Variants in BDP1 observed in about 807,000 individuals in gnomAD.
BDP1 encodes the protein transcription factor TFIIIB component B'' homolog.
BDP1 carries 169 observed loss-of-function variants against 266.6 expected under a neutral mutation model. That is an observed-to-expected ratio of 0.63 (90% CI 0.56 to 0.72). The LOEUF (loss-of-function observed/expected upper bound fraction) is 0.72, where lower values mean the gene tolerates loss of function less well. BDP1 is among the 30% of genes least tolerant of loss of function. BDP1 has a pLI of 0.00. For synonymous variants in BDP1, 1,090 were observed against 1,022.4 expected, an observed-to-expected ratio of 1.07 and a Z score of -1.26; for missense variants, 3,015 against 3,053.8, an observed-to-expected ratio of 0.99 and a Z score of 0.30.
chr5:71,534,769 G>A (rs566898577), intron 26 of BDP1, among the ~76,000 whole-genome samples: 1 of 152,244 alleles, frequency 6.6e-6, no homozygotes, highest in South Asian at 2.1e-4. Context: ...AGCTTCCCGA[G>A]TAGCTGGGAT....
intron 25 of BDP1, among the ~76,000 whole-genome samples, chr5:71,529,367 G>A (rs1385227243): frequency 6.6e-6 from 1 of 150,388 alleles, no homozygotes; most frequent in Non-Finnish European, 1.5e-5. Flanking sequence ...TCCAGCCTGG[G>A]CGAAAGAGCG....
rs887605951 is a variant in BDP1 at position 71,470,620 on chromosome 5, A to G, written c.1014+131A>G. On this transcript the variant is annotated intron_variant, in intron 7 of 38. Coordinates refer to ENST00000358731, the MANE Select transcript of BDP1 (RefSeq NM_018429.3). The stretch of plus-strand genomic sequence containing the variant: ...TTTTTTTTCATTGAGACAGAGTTTC[A>G]CTTTGTTGCCCAGGCTGGAGTGCAG... 1.1e-5 allele frequency: 7 copies of G among 642,774 alleles called. No individual in the cohort carries two copies. In the Admixed American group the frequency reaches 2.4e-4, roughly 22 times the overall value. The allele number at this position is 642,774 out of a possible 1,614,324, so 39.8% of individuals were successfully genotyped here.
rs374627184 is a variant in BDP1, at chr5:71,464,035, A to G, written c.600-23A>G. ...GATATAAATTAATAATTTATTAAAG[A>G]TATTGTTATTTATGTTCAATAGTTC... On this transcript the variant is annotated intron_variant, in intron 3 of 38. Coordinates refer to ENST00000358731, the MANE Select transcript of BDP1 (RefSeq NM_018429.3). 16 of 1,363,720 alleles carry G rather than the reference A, an allele frequency of 1.2e-5. No homozygotes were observed. The African/African-American group carries it at 1.3e-4, about 11-fold the overall frequency. The allele number at this position is 1,363,720 out of a possible 1,614,324, so 84.5% of individuals were successfully genotyped here. A position where few individuals can be genotyped will look rare whatever the true frequency, so the allele number is the denominator to read the frequency against.
chr5:71,551,782 C>A (rs1467761504), intron 34 of BDP1, among the ~76,000 whole-genome samples: 19 of 148,914 alleles, frequency 1.3e-4, no homozygotes, highest in Non-Finnish European at 2.1e-4. Flanking sequence ...GGGGCTGACC[C>A]CCCCACCTCC....
intron 37 of BDP1, among the ~76,000 whole-genome samples, chr5:71,562,046 C>T (rs1242687375): frequency 6.6e-6 from 1 of 151,770 alleles, no homozygotes; most frequent in African/African-American, 2.4e-5. Flanking sequence ...AGTTCGAGAC[C>T]AGCCTGACCA....
rs1765279598 is a variant in BDP1, at chr5:71,517,423, T to A, written c.4962T>A (p.Leu1654=). ...GTCAGGTGGTTCTTGTAGAAAACCT[T>A]CATGTTAACAAAACAAATGAAACAA... The part of the protein sequence containing the change: ...NQSQVVLVEN[L]HVNKTNETIR... Residue 1654 remains leucine (L), a synonymous_variant, in exon 22 of 39, where the codon CTT becomes CTA. Transcript: ENST00000358731. 2 of 1,596,664 alleles carry A rather than the reference T, an allele frequency of 1.3e-6. No individual in the cohort carries two copies. The highest frequency in any genetic ancestry group is 1.7e-6 in the Non-Finnish European group (2 of 1,175,104).
rs1765535630 is a variant in BDP1, at chr5:71,522,322, A to G, written c.5025A>G (p.Ala1675=). ...ATAAACCGTATGTTCCTAGTTCAGC[A>G]CAAATGACAAGAAGGAAATTCCAAA... ...HENKPYVPSS[A]QMTRRKFQKA... The change falls in exon 23 of 39, where the codon GCA becomes GCG. Residue 1675 remains alanine, a synonymous_variant. Transcript: ENST00000358731. 6 of 1,614,014 alleles carry G rather than the reference A, an allele frequency of 3.7e-6. No individual in the cohort carries two copies. The highest frequency in any genetic ancestry group is 1.3e-5 in the African/African-American group (1 of 75,026).
chr5:71,490,425 A>G (rs552438675), intron 10 of BDP1, among the ~76,000 whole-genome samples: 2 of 152,312 alleles, frequency 1.3e-5, no homozygotes, highest in East Asian at 1.9e-4. Context: ...ATGATTCACA[A>G]CCAGGTTTTA....
At chr5:71,485,213 G>A (rs897883893) in intron 8 of BDP1, among the ~76,000 whole-genome samples, 7 of 152,144 alleles carry the variant, frequency 4.6e-5, no homozygotes, top group Admixed American at 2.6e-4. Context: ...CTCAGGAGTC[G>A]CTGAGGCAGG....
At chr5:71,460,392 C>G (rs1761475424) in intron 2 of BDP1, among the ~76,000 whole-genome samples, 1 of 152,062 alleles carries the variant, frequency 6.6e-6, no homozygotes. Flanking sequence ...AAAAAACCAA[C>G]CAAACAAAAA....
intron 30 of BDP1, among the ~76,000 whole-genome samples, chr5:71,542,815 T>C (rs1767055699): frequency 6.6e-6 from 1 of 152,222 alleles, no homozygotes; most frequent in Non-Finnish European, 1.5e-5. Flanking sequence ...ACATATTTTG[T>C]ATTTTATTTG....
chr5:71,483,984 A>G (rs1436007486), intron 8 of BDP1, 88 bp downstream of exon 8: 1 of 1,141,344 alleles, frequency 8.8e-7, no homozygotes, highest in Non-Finnish European at 1.3e-6. Context: ...TGTGTTTTAG[A>G]TTTGTTTTGT....
At chr5:71,521,156 C>T (rs1419136520) in intron 22 of BDP1, among the ~76,000 whole-genome samples, 5 of 146,342 alleles carry the variant, frequency 3.4e-5, no homozygotes, top group Non-Finnish European at 7.5e-5. Flanking sequence ...CATTGCACTC[C>T]AGCCTGGGTG....
rs1262733306 is a variant in BDP1 at position 71,455,960 on chromosome 5, A to G, written c.83A>G (p.Gln28Arg). 1.9e-6 allele frequency: 3 copies of G among 1,613,130 alleles called. No homozygotes were observed. Among genetic ancestry groups the G allele is most frequent in the Non-Finnish European group, 2.5e-6 (3 of 1,179,828 alleles). Residue 28 changes from glutamine (Q) to arginine (R), a missense_variant, in exon 1 of 39, where the codon CAG (glutamine) becomes CGG (arginine). Around this residue, in one of 3 missense-constraint regions of BDP1, gnomAD observed 2,383 missense variants for 2,404.9 expected, o/e 0.99. Transcript: ENST00000358731. ...AGGGGCTCCACAGCTTCCAATCCCC[A>G]GCGTGGACGGGAGTCTCCCAGGCCG... ...GARGSTASNP[Q>R]RGRESPRPPD...
intron 7 of BDP1, chr5:71,475,811 T>C (rs1031674236): frequency 3.2e-5 from 5 of 153,854 alleles, no homozygotes; most frequent in African/African-American, 1.2e-4. Flanking sequence ...ATATTGCCAG[T>C]GATTTTCCCT....
In BDP1 at chr5:71,549,446, G is replaced by A; in HGVS notation, c.6835G>A (p.Asp2279Asn). The A allele has an allele frequency of 6.2e-7, 1 of 1,613,630 alleles. No individual in the cohort carries two copies. Among genetic ancestry groups the A allele is most frequent in the Non-Finnish European group, 8.5e-7 (1 of 1,179,866 alleles). Reference sequence around the variant, plus strand: ...GAATCTAGTTGCTAATGTACCTCAAGATGGAGAAGATGAACAAGCCTTTAT... The same window carrying A: ...GAATCTAGTTGCTAATGTACCTCAAAATGGAGAAGATGAACAAGCCTTTAT... ...TVNLVANVPQ[D>N]GEDEQAFILT... is the part of the protein sequence containing the mutation. The change falls in exon 34 of 39, where the codon GAT becomes AAT. Residue 2279 changes from aspartate to asparagine, a missense_variant. This residue lies in a region of BDP1 where 629 missense variants were observed against 632.5 expected (regional missense o/e 0.99). Transcript: ENST00000358731.
In BDP1 at chr5:71,516,128, A is replaced by C. The variant is rs779357810; in HGVS notation, c.4717A>C (p.Arg1573=). The change falls in exon 21 of 39, where the codon AGG becomes CGG. Residue 1573 remains arginine, a synonymous_variant. Coordinates refer to ENST00000358731, the MANE Select transcript of BDP1 (RefSeq NM_018429.3). The part of the protein sequence containing the change: ...ESVIQTARQV[R]GRLQRPRPNI... ...TGTTATCCAAACTGCTCGACAAGTA[A>C]GGGGCCGACTTCAGAGACCGAGACC... 6.2e-6 allele frequency: 10 copies of C among 1,612,766 alleles called. No homozygotes were observed. The highest frequency in any genetic ancestry group is 1.7e-5 in the Admixed American group (1 of 59,906).
chr5:71,490,510 A>G (rs957707639), intron 10 of BDP1, among the ~76,000 whole-genome samples: 1 of 152,162 alleles, frequency 6.6e-6, no homozygotes, highest in African/African-American at 2.4e-5. Context: ...GTTACTTAAG[A>G]TCTCTGAACT....
Position 71,524,100 on chromosome 5 carries a change from G to C in BDP1, c.5549G>C (p.Arg1850Pro), listed in dbSNP as rs369782014. 3.1e-6 allele frequency: 5 copies of C among 1,614,174 alleles called. No homozygotes were observed. The South Asian group carries it at 4.4e-5, about 14-fold the overall frequency. ...VTRGRGSKRVRGKTSKKEPRA... is the reference protein window; with the variant it reads ...VTRGRGSKRVPGKTSKKEPRA... ...AGAGGTCGTGGATCAAAACGAGTTC[G>C]GGGTAAGACCTCTAAGAAGGAACCT... Residue 1850 changes from arginine (R) to proline (P), a missense_variant, in exon 25 of 39, where the codon CGG (arginine) becomes CCG (proline). Arg to Pro is a moderately radical substitution (Grantham distance 103). Coordinates refer to ENST00000358731, the MANE Select transcript of BDP1 (RefSeq NM_018429.3).
Sources: allele counts gnomAD v4.1 joint callset (sites outside exome capture counted in the v4.1 genomes callset), GRCh38; gene constraint gnomAD v4.1.1; regional missense constraint gnomAD v4.1.1; transcripts MANE v1.5; gene names NCBI Gene and HGNC (gene_info 2026-07-23, HGNC 2026-07-21).